Variants in ZNF483 observed in about 807,000 individuals in gnomAD.
ZNF483 encodes zinc finger protein HIT-10.
ZNF483 carries 9 observed loss-of-function variants against 28.6 expected under a neutral mutation model. That is an observed-to-expected ratio of 0.32 (90% confidence interval 0.19 to 0.55). ZNF483 has a LOEUF of 0.55. Ranked by LOEUF, ZNF483 falls within the 20% of genes least tolerant of loss-of-function variation. ZNF483 has a pLI of 0.93. For synonymous variants in ZNF483, 322 were observed against 306.2 expected (o/e 1.05, Z -0.54); for missense variants, 675 against 871.7 (o/e 0.77, Z 2.84).
At chr9:111,533,501 T>C (rs1199514654) in intron 3 of ZNF483, among the ~76,000 whole-genome samples, 1 of 152,028 alleles carries the variant, frequency 6.6e-6, no homozygotes, top group Non-Finnish European at 1.5e-5. Flanking sequence ...GGGCAAATAG[T>C]GAGACAATGC....
At position 111,549,345 on chromosome 9, in the gene ZNF483, G is replaced by A. The variant is rs1827872661; in HGVS notation, c.*6175G>A. On this transcript the variant is annotated 3_prime_UTR_variant, in exon 6 of 6. Transcript: ENST00000309235. ...GTTTCTCCCTTGTGTGGAAATGTTA[G>A]TGTCTATAAAGGTCTGAACTAAGAA... is the stretch of plus-strand genomic sequence containing the variant. 6.6e-6 allele frequency among the ~76,000 whole-genome samples: 1 copy of A among 152,168 alleles called. No homozygotes were observed. Among genetic ancestry groups the A allele is most frequent in the Admixed American group, 6.5e-5 (1 of 15,282 alleles).
intron 4 of ZNF483, 120 bp downstream of exon 4, chr9:111,533,985 A>C (rs111360669): frequency 1.5e-5 from 18 of 1,232,966 alleles, no homozygotes; most frequent in Non-Finnish European, 2.1e-5. Flanking sequence ...AGGGACTGAT[A>C]GGACTAATCC....
chr9:111,533,103 G>A (rs1827391290), intron 3 of ZNF483, among the ~76,000 whole-genome samples: 1 of 152,144 alleles, frequency 6.6e-6, no homozygotes, highest in African/African-American at 2.4e-5. Context: ...GTTATTACCT[G>A]TAGTAAGCTT....
exon 6 of ZNF483, chr9:111,577,356 C>T (rs375353529): frequency 2.6e-4 from 39 of 152,244 alleles, no homozygotes; most frequent in African/African-American, 7.2e-4. Context: ...TCATACACTG[C>T]TTGTGGGAAT....
Position 111,533,876 on chromosome 9 carries a change from C to T in ZNF483, c.628+11C>T, listed in dbSNP as rs1827409569. ...ACCTAGAATTTCTGGGTAAAGACAC[C>T]TTTTCTTCATTACCTAGCGTTTAAC... On this transcript the variant is annotated intron_variant, in intron 4 of 5. Transcript: ENST00000309235. 1 of 1,587,288 alleles carries T rather than the reference C, an allele frequency of 6.3e-7. No homozygotes were observed. Among genetic ancestry groups the T allele is most frequent in the Non-Finnish European group, 8.5e-7 (1 of 1,173,370 alleles).
At chr9:111,569,620 C>T (rs958643053) in intron 5 of ZNF483, among the ~76,000 whole-genome samples, 4 of 152,126 alleles carry the variant, frequency 2.6e-5, no homozygotes, top group Non-Finnish European at 5.9e-5. Flanking sequence ...AAAAAGTTAG[C>T]TGGGCGTGGT....
intron 5 of ZNF483, among the ~76,000 whole-genome samples, chr9:111,573,479 A>C (rs1828920540): frequency 6.6e-6 from 1 of 152,168 alleles, no homozygotes; most frequent in East Asian, 1.9e-4. Context: ...CCATTAGTCA[A>C]GCTCATCATA....
chr9:111,530,773 A>G (rs1173835926), intron 2 of ZNF483, 102 bp from the exon 3 acceptor site: 17 of 40,104 alleles, frequency 4.2e-4, no homozygotes, highest in Non-Finnish European at 3.9e-4. Flanking sequence ...ATATATATAT[A>G]TATATATATA....
Position 111,543,400 on chromosome 9 carries a change from G to A in ZNF483, c.*230G>A, listed in dbSNP as rs988092174. On this transcript the variant is annotated 3_prime_UTR_variant, in exon 6 of 6. Transcript: ENST00000309235. ...AGGGAAGAATGCAAAATGATTCTGA[G>A]GCCAGACGAATTGGAAAAGCTCTTT... 6.3e-6 allele frequency: 8 copies of A among 1,275,084 alleles called. No individual in the cohort carries two copies. In the African/African-American group the frequency reaches 1.1e-4, roughly 17 times the overall value. The allele number at this position is 1,275,084 out of a possible 1,614,324, so 79.0% of individuals were successfully genotyped here. A position where few individuals can be genotyped will look rare whatever the true frequency, so the allele number is the denominator to read the frequency against.
At chr9:111,531,008 T>A in intron 3 of ZNF483, 45 bp downstream of exon 3, 1 of 983,276 alleles carries the variant, frequency 1.0e-6, no homozygotes, top group Non-Finnish European at 1.5e-6. Context: ...AATACTTAAT[T>A]GAGCTCCTAC....
At chr9:111,561,133 AGAGAGGAGAGAGAGG>A (rs1828294381) in intron 5 of ZNF483, among the ~76,000 whole-genome samples, 2 of 58,010 alleles carry the variant, frequency 3.4e-5, no homozygotes, top group African/African-American at 1.1e-4. Flanking sequence ...AGAGAGAGAG[AGAGAGGAGAGAGAGG>A]GAGAGAGAGA....
rs1827967624 is a variant in ZNF483 at position 111,551,814 on chromosome 9, A to G, written c.*8644A>G. On this transcript the variant is annotated 3_prime_UTR_variant, in exon 6 of 6. Transcript: ENST00000309235. The stretch of plus-strand genomic sequence containing the variant: ...CAAAACTTTTTAAGTAAATTCAGTA[A>G]CATATCAATTCAGTTTATTAGCATC... Among the ~76,000 whole-genome samples, 1 of 152,226 alleles carries G rather than the reference A, an allele frequency of 6.6e-6. No homozygotes were observed. Among genetic ancestry groups the G allele is most frequent in the Admixed American group, 6.5e-5 (1 of 15,288 alleles).
At chr9:111,570,085 CCTTA>C in intron 5 of ZNF483, 1 of 1,614,062 alleles carries the variant, frequency 6.2e-7, no homozygotes, top group Non-Finnish European at 8.5e-7. Flanking sequence ...CTCCGGAGCT[CCTTA>C]CCTCTAAGAC....
intron 5 of ZNF483, among the ~76,000 whole-genome samples, chr9:111,566,502 T>C (rs1828568805): frequency 6.6e-6 from 1 of 152,202 alleles, no homozygotes; most frequent in Non-Finnish European, 1.5e-5. Flanking sequence ...AAACATGATG[T>C]CATTTTTCCC....
At chr9:111,528,314 T>A (rs1202342688) in intron 2 of ZNF483, among the ~76,000 whole-genome samples, 5 of 152,362 alleles carry the variant, frequency 3.3e-5, no homozygotes, top group African/African-American at 9.6e-5. Context: ...CTGAATTTTT[T>A]AAATCAAATT....
intron 5 of ZNF483, among the ~76,000 whole-genome samples, chr9:111,540,141 T>A (rs909478436): frequency 6.6e-6 from 1 of 152,028 alleles, no homozygotes; most frequent in African/African-American, 2.4e-5. Flanking sequence ...CTAAAAAATT[T>A]TAAAAAATTT....
At chr9:111,537,207 G>A (rs537813697) in intron 5 of ZNF483, among the ~76,000 whole-genome samples, 1 of 151,712 alleles carries the variant, frequency 6.6e-6, no homozygotes, top group East Asian at 1.9e-4. Context: ...CTTATGTGGA[G>A]ATGATTAGCA....
At chr9:111,530,402 G>A (rs1827293136) in intron 2 of ZNF483, among the ~76,000 whole-genome samples, 1 of 152,070 alleles carries the variant, frequency 6.6e-6, no homozygotes, top group Admixed American at 6.6e-5. Flanking sequence ...CGTAAGTAAA[G>A]TGTTACGTGA....
chr9:111,570,614 TAA>T (rs75586959), intron 5 of ZNF483, among the ~76,000 whole-genome samples: 5 of 138,944 alleles, frequency 3.6e-5, no homozygotes, highest in Admixed American at 7.2e-5. Flanking sequence ...TTCTAAAAAT[TAA>T]AAAAAAAAAA....
Sources: allele counts gnomAD v4.1 joint callset (sites outside exome capture counted in the v4.1 genomes callset), GRCh38; gene constraint gnomAD v4.1.1; transcripts MANE v1.5; gene names NCBI Gene and HGNC (gene_info 2026-07-23, HGNC 2026-07-21).